Variants in CLECL1 observed in about 807,000 individuals in gnomAD.
The protein encoded by CLECL1 is C-type lectin-like domain family 1.
downstream of CLECL1, among the ~76,000 whole-genome samples, chr12:9,710,965 AG>A (rs1447110651): frequency 4.6e-5 from 7 of 152,218 alleles, no homozygotes; most frequent in African/African-American, 1.7e-4. Context: ...CAAGAACCTC[AG>A]GATACAGAAA....
chr12:9,732,438 T>C (rs569538336), intron 1 of CLECL1, among the ~76,000 whole-genome samples: 6 of 152,228 alleles, frequency 3.9e-5, no homozygotes, highest in Non-Finnish European at 8.8e-5. Flanking sequence ...TCCAGAAATA[T>C]TCAATTACCT....
At chr12:9,714,483 C>G (rs907570471), downstream of CLECL1, among the ~76,000 whole-genome samples, 1 of 152,160 alleles carries the variant, frequency 6.6e-6, no homozygotes, top group Non-Finnish European at 1.5e-5. Context: ...CTGGGTGGGC[C>G]TAAACAGCCT....
In CLECL1 at chr12:9,722,820, GA is replaced by G; in HGVS notation, n.263-8del. 2.5e-6 allele frequency: 4 copies of G among 1,593,404 alleles called. No individual in the cohort carries two copies. Among genetic ancestry groups the G allele is most frequent in the Non-Finnish European group, 3.4e-6 (4 of 1,165,854 alleles). On this transcript the variant is annotated splice_region_variant and splice_polypyrimidine_tract_variant and intron_variant and non_coding_transcript_variant, in intron 3 of 3. Coordinates refer to ENST00000621400, the Ensembl canonical transcript of CLECL1. ...GTAGAAAAGTTGAAAGAAACTGGAA[GA>G]AAGGAAGATAAGCAATTAAAATCAA...
chr12:9,725,283 A>G lies in CLECL1; in HGVS notation n.262+2282T>C, dbSNP rs190365702. On this transcript the variant is annotated intron_variant and non_coding_transcript_variant, in intron 3 of 3. Transcript: ENST00000621400. Reference sequence around the variant, plus strand: ...AGCATAAAAGTATAAGGTAATCAACATATCTTCAAAAAACATTTGGTCTTG... The same window carrying G: ...AGCATAAAAGTATAAGGTAATCAACGTATCTTCAAAAAACATTTGGTCTTG... Among the ~76,000 whole-genome samples the G allele has an allele frequency of 7.5e-4, 114 of 152,282 alleles. No individual in the cohort carries two copies. In the East Asian group the frequency reaches 9.4e-3, roughly 13 times the overall value.
In CLECL1 at chr12:9,722,709, T is replaced by A. The variant is rs376663808; in HGVS notation, n.367A>T. 77 of 1,613,928 alleles carry A rather than the reference T, an allele frequency of 4.8e-5. No individual in the cohort carries two copies. The South Asian group carries it at 7.9e-4, about 17-fold the overall frequency. The stretch of plus-strand genomic sequence containing the variant: ...TTTATGGCACAGTCATTTTGACTTT[T>A]GTTCCAAGATTTCTTAGTTTCAGCA... On this transcript the variant is annotated non_coding_transcript_exon_variant, in exon 4 of 4. Coordinates refer to ENST00000621400, the Ensembl canonical transcript of CLECL1.
At chr12:9,704,725 T>C in the CLECL1 span, among the ~76,000 whole-genome samples, 1 of 152,226 alleles carries the variant, frequency 6.6e-6, no homozygotes, top group East Asian at 1.9e-4. Flanking sequence ...TATATGTCTC[T>C]GCAAAGGACA....
exon 3 of CLECL1, chr12:9,716,107 T>C (rs1341189333): frequency 6.6e-6 from 1 of 152,426 alleles, no homozygotes; most frequent in Non-Finnish European, 1.5e-5. Flanking sequence ...CAGGGCCTTC[T>C]CTGCCATGAG....
the CLECL1 span, among the ~76,000 whole-genome samples, chr12:9,706,917 G>C: frequency 1.3e-5 from 2 of 152,156 alleles, no homozygotes; most frequent in African/African-American, 4.8e-5. Flanking sequence ...AATAGTTTCA[G>C]TAGGAATGGT....
chr12:9,703,339 CACAT>C, the CLECL1 span, among the ~76,000 whole-genome samples: 5 of 152,092 alleles, frequency 3.3e-5, no homozygotes, highest in East Asian at 7.7e-4. Flanking sequence ...TATATATACA[CACAT>C]ACACACACAC....
chr12:9,704,479 A>G, the CLECL1 span, among the ~76,000 whole-genome samples: 1 of 152,344 alleles, frequency 6.6e-6, no homozygotes, highest in African/African-American at 2.4e-5. Context: ...AACACATGTC[A>G]TGGAGATTTA....
At chr12:9,724,200 AAAAG>A (rs1158955703) in intron 3 of CLECL1, among the ~76,000 whole-genome samples, 7 of 151,902 alleles carry the variant, frequency 4.6e-5, no homozygotes, top group African/African-American at 1.7e-4. Context: ...AAAAAAAAGA[AAAAG>A]AAAAAGAAAA....
At chr12:9,708,854 C>T in the CLECL1 span, 1 of 255,884 alleles carries the variant, frequency 3.9e-6, no homozygotes, top group Non-Finnish European at 7.4e-6. Flanking sequence ...ATGGACACCT[C>T]TGTTCCCTGT....
upstream of CLECL1, chr12:9,733,161 G>A (rs1200268666): frequency 6.2e-7 from 1 of 1,613,904 alleles, no homozygotes; most frequent in Non-Finnish European, 8.5e-7. Flanking sequence ...GTGGGTGGTG[G>A]ACTTCCTCCA....
intron 1 of CLECL1, among the ~76,000 whole-genome samples, chr12:9,731,700 C>T (rs957746911): frequency 2.0e-5 from 3 of 152,114 alleles, no homozygotes; most frequent in East Asian, 1.9e-4. Flanking sequence ...TCATATAGTT[C>T]GTTTTCTCAT....
the CLECL1 span, among the ~76,000 whole-genome samples, chr12:9,704,563 C>T: frequency 5.3e-5 from 8 of 152,244 alleles, no homozygotes; most frequent in South Asian, 1.0e-3. Context: ...CCTCCTTTCA[C>T]CCTCTGCTGT....
the CLECL1 span, among the ~76,000 whole-genome samples, chr12:9,710,797 G>C: frequency 6.6e-6 from 1 of 152,190 alleles, no homozygotes; most frequent in Admixed American, 6.5e-5. Context: ...TTTGGCTGGG[G>C]CAGCTGGAGG....
At chr12:9,725,049 G>A (rs1866361881) in intron 3 of CLECL1, among the ~76,000 whole-genome samples, 1 of 152,072 alleles carries the variant, frequency 6.6e-6, no homozygotes, top group Non-Finnish European at 1.5e-5. Flanking sequence ...AAAAGTAACT[G>A]TCAACAAAGT....
Position 9,732,886 on chromosome 12 carries a change from A to G in CLECL1, n.82+63T>C, listed in dbSNP as rs1035203934. The G allele has an allele frequency of 3.0e-6, 4 of 1,346,164 alleles. No homozygotes were observed. The African/African-American group carries it at 5.9e-5, about 20-fold the overall frequency. The allele number at this position is 1,346,164 out of a possible 1,614,324, so 83.4% of individuals were successfully genotyped here. ...TCAGTTTGGCAATTAGATACATAAG[A>G]AAGAAATAAAGGAGATAACTAGTAA... On this transcript the variant is annotated intron_variant and non_coding_transcript_variant, in intron 1 of 3. Coordinates refer to ENST00000621400, the Ensembl canonical transcript of CLECL1.
downstream of CLECL1, among the ~76,000 whole-genome samples, chr12:9,720,463 C>T (rs748648589): frequency 3.0e-4 from 46 of 151,926 alleles, no homozygotes; most frequent in Non-Finnish European, 6.6e-4. Flanking sequence ...CTGCCTTAGC[C>T]TCCCGAGTAG....
Sources: allele counts gnomAD v4.1 joint callset (sites outside exome capture counted in the v4.1 genomes callset), GRCh38; gene constraint gnomAD v4.1.1; transcripts MANE v1.5; gene names NCBI Gene and HGNC (gene_info 2026-07-23, HGNC 2026-07-21).